The following AP4S1 variants were observed in gnomAD, a reference collection of about 807,000 sequenced individuals.
AP4S1 encodes AP-4 complex subunit sigma-1.
In AP4S1, 23 loss-of-function variants were observed where a neutral mutation model predicts 19.8. The ratio of observed to expected loss-of-function variants is 1.16; its 90% CI spans 0.84 to 1.65. AP4S1 has a LOEUF of 1.65. Ranked by LOEUF, AP4S1 falls within the 40% of genes most tolerant of loss-of-function variation. AP4S1 has a pLI of 0.00. For synonymous variants in AP4S1, 46 were observed against 54.1 expected (o/e 0.85, Z 0.66); for missense variants, 166 against 172.8 (o/e 0.96, Z 0.22).
intron 1 of AP4S1, among the ~76,000 whole-genome samples, chr14:31,051,898 T>G (rs1426535645): frequency 6.6e-6 from 1 of 152,166 alleles, no homozygotes; most frequent in Non-Finnish European, 1.5e-5. Flanking sequence ...TGAGCTCAAG[T>G]GATCCACCTA....
intron 4 of AP4S1, chr14:31,073,205 T>G: frequency 2.1e-6 from 1 of 474,946 alleles, no homozygotes; most frequent in Admixed American, 3.4e-5. Context: ...AAAAAACCTC[T>G]TATAGCAGGG....
At chr14:31,084,135 A>G (rs1369822657) in intron 5 of AP4S1, among the ~76,000 whole-genome samples, 1 of 152,222 alleles carries the variant, frequency 6.6e-6, no homozygotes, top group Non-Finnish European at 1.5e-5. Context: ...TCCTTCCACC[A>G]CTAACAATAC....
At chr14:31,038,975 T>G (rs1884934842) in intron 1 of AP4S1, among the ~76,000 whole-genome samples, 1 of 140,090 alleles carries the variant, frequency 7.1e-6, no homozygotes, top group Non-Finnish European at 1.5e-5. Context: ...TTTGTTTTTG[T>G]TTTTTTAAAT....
intron 5 of AP4S1, among the ~76,000 whole-genome samples, chr14:31,087,059 GCTAATTTAAAAAAATTTTTTAA>G: frequency 6.6e-6 from 1 of 152,114 alleles, no homozygotes; most frequent in South Asian, 2.1e-4. Flanking sequence ...CACCCAGCTG[GCTAATTTAAAAAAATTTTTTAA>G]AATAAAAACA....
intron 2 of AP4S1, among the ~76,000 whole-genome samples, chr14:31,068,416 G>T (rs1229274866): frequency 6.6e-6 from 1 of 152,178 alleles, no homozygotes; most frequent in Admixed American, 6.5e-5. Context: ...GTCTCCCTTG[G>T]CATCTCAACT....
Position 31,092,771 on chromosome 14 carries a change from T to A in AP4S1, c.307-136T>A, listed in dbSNP as rs533544172. 3 of 638,808 alleles carry A rather than the reference T, an allele frequency of 4.7e-6. No individual in the cohort carries two copies. In the African/African-American group the frequency reaches 5.7e-5, roughly 12 times the overall value. 39.6% of individuals were successfully genotyped at this position (638,808 alleles called of 1,614,324 possible). A position where few individuals can be genotyped will look rare whatever the true frequency, so the allele number is the denominator to read the frequency against. ...TCTAATATGGATGCCAGTTTTAAAT[T>A]TAATTTCAGAAATTTTGTACAAAAA... On this transcript the variant is annotated intron_variant, in intron 5 of 5. Coordinates refer to ENST00000542754, the MANE Select transcript of AP4S1 (RefSeq NM_001128126.3).
chr14:31,069,057 C>A (rs761441920), intron 2 of AP4S1, among the ~76,000 whole-genome samples: 48 of 152,114 alleles, frequency 3.2e-4, no homozygotes, highest in Non-Finnish European at 6.0e-4. Context: ...GCTTCATTCC[C>A]AGGTGCATCC....
intron 1 of AP4S1, among the ~76,000 whole-genome samples, chr14:31,036,767 C>T (rs1418843442): frequency 6.6e-6 from 1 of 152,080 alleles, no homozygotes; most frequent in African/African-American, 2.4e-5. Flanking sequence ...TAGGTGATGA[C>T]TTAGTGATTT....
At chr14:31,078,511 A>G (rs1887482826) in intron 4 of AP4S1, among the ~76,000 whole-genome samples, 1 of 152,234 alleles carries the variant, frequency 6.6e-6, no homozygotes, top group Admixed American at 6.5e-5. Context: ...GTCAGGGTCT[A>G]TGATCAGAGC....
intron 1 of AP4S1, among the ~76,000 whole-genome samples, chr14:31,029,410 G>T (rs141238101): frequency 3.0e-4 from 45 of 152,240 alleles, no homozygotes; most frequent in African/African-American, 1.1e-3. Context: ...ACACTATCAT[G>T]CCACCTCATT....
At chr14:31,063,990 C>A (rs1241430054) in intron 1 of AP4S1, among the ~76,000 whole-genome samples, 1 of 152,168 alleles carries the variant, frequency 6.6e-6, no homozygotes, top group African/African-American at 2.4e-5. Context: ...GCCAGACCAG[C>A]CAGCTCTGGT....
intron 5 of AP4S1, chr14:31,084,868 AC>A: frequency 1.2e-6 from 2 of 1,614,068 alleles, no homozygotes; most frequent in Non-Finnish European, 1.7e-6. Context: ...TGCCTCCACC[AC>A]CCCCATCTAC....
chr14:31,047,385 CTT>C (rs767480909), intron 1 of AP4S1, among the ~76,000 whole-genome samples: 83 of 123,346 alleles, frequency 6.7e-4, no homozygotes, highest in African/African-American at 2.3e-3. Flanking sequence ...GAGACACAAT[CTT>C]TTTTTTTTTT....
At chr14:31,025,931 G>T (rs779726846) in intron 1 of AP4S1, 144 bp downstream of exon 1, 1 of 1,601,112 alleles carries the variant, frequency 6.2e-7, no homozygotes, top group South Asian at 1.1e-5. Context: ...CCACCTCCCA[G>T]TGCGCCCGCT....
At chr14:31,033,653 C>T (rs560073177) in intron 1 of AP4S1, among the ~76,000 whole-genome samples, 1 of 152,314 alleles carries the variant, frequency 6.6e-6, no homozygotes, top group Admixed American at 6.5e-5. Flanking sequence ...CAGCTCTGAC[C>T]TGCACCATGC....
chr14:31,026,581 A>G (rs1453616536), intron 1 of AP4S1: 1 of 170,618 alleles, frequency 5.9e-6, no homozygotes, highest in African/African-American at 2.4e-5. Context: ...TCGCCGTTAG[A>G]GGGCGGGGAA....
intron 1 of AP4S1, among the ~76,000 whole-genome samples, chr14:31,040,880 G>A (rs1172662831): frequency 6.6e-6 from 1 of 151,730 alleles, no homozygotes; most frequent in East Asian, 2.0e-4. Flanking sequence ...TAGATAAGAT[G>A]TACATAACAT....
intron 5 of AP4S1, among the ~76,000 whole-genome samples, chr14:31,092,593 A>C (rs1888105725): frequency 6.6e-6 from 1 of 152,156 alleles, no homozygotes; most frequent in Non-Finnish European, 1.5e-5. Flanking sequence ...AGTTAAGGTC[A>C]TTCTCTTGCC....
intron 1 of AP4S1, among the ~76,000 whole-genome samples, chr14:31,049,428 A>AAAAAAAAAATATATAT (rs1384450221): frequency 3.5e-5 from 2 of 57,742 alleles, no homozygotes; most frequent in African/African-American, 7.9e-5. Context: ...AAAAAAAAAA[A>AAAAAAAAAATATATAT]ATATATATAT....
Sources: allele counts gnomAD v4.1 joint callset (sites outside exome capture counted in the v4.1 genomes callset), GRCh38; gene constraint gnomAD v4.1.1; transcripts MANE v1.5; gene names NCBI Gene and HGNC (gene_info 2026-07-23, HGNC 2026-07-21).